FBL: variants seen among roughly 807,000 people sequenced by gnomAD.
FBL encodes fibrillarin rRNA 2'-O-methyltransferase, also known as rRNA 2'-O-methyltransferase fibrillarin.
Under a neutral mutation model 42.2 loss-of-function variants are expected in FBL, and 10 were observed. The observed-to-expected ratio is 0.24, with a 90% CI of 0.15 to 0.40. FBL has a LOEUF of 0.40. Ranked by LOEUF, FBL falls within the 10% of genes least tolerant of loss-of-function variation. The pLI is 1.00. For synonymous variants in FBL, 165 were observed against 165.4 expected (o/e 1.00, Z 0.02); for missense variants, 351 against 439.2 (o/e 0.80, Z 1.79).
chr19:39,836,486 C>CA, intron 7 of FBL, 70 bp downstream of exon 7: 1 of 998,946 alleles, frequency 1.0e-6, no homozygotes, highest in Non-Finnish European at 1.5e-6. Flanking sequence ...GGCTATTTGA[C>CA]AGATACAGAT....
intron 7 of FBL, among the ~76,000 whole-genome samples, chr19:39,835,809 C>G (rs891385608): frequency 5.9e-5 from 9 of 152,202 alleles, no homozygotes; most frequent in Admixed American, 5.2e-4. Flanking sequence ...GCCTGTAGTC[C>G]CAGCTACTTA....
rs373225683 is a variant in FBL at position 39,846,234 on chromosome 19, C to T, written c.10+57G>A. 2.4e-4 allele frequency: 382 copies of T among 1,609,518 alleles called. 1 individual carries two copies. The African/African-American group carries it at 4.6e-3, about 19-fold the overall frequency. ...CCCCACCCCTCCGATTCTGGCCTGG[C>T]ACCCGGATTCCCGCCCGGCCTCCGT... is the stretch of plus-strand genomic sequence containing the variant. On this transcript the variant is annotated intron_variant, in intron 1 of 8. Transcript: ENST00000221801.
Position 39,840,879 on chromosome 19 carries a change from A to C in FBL, c.11-92T>G, listed in dbSNP as rs1319174242. ...CAATACCTCTCAGGTGAGAAACCTG[A>C]AATACATGTGCCCGTGTACAGCAGG... On this transcript the variant is annotated intron_variant, in intron 1 of 8. Transcript: ENST00000221801. This position sits in a 1 kb window ranked among gnomAD's most constrained non-coding sequence, Gnocchi z 4.5. The C allele has an allele frequency of 1.6e-6, 2 of 1,233,026 alleles. No individual in the cohort carries two copies. The highest frequency in any genetic ancestry group is 1.1e-6 in the Non-Finnish European group (1 of 906,652). The allele number at this position is 1,233,026 out of a possible 1,614,324, so 76.4% of individuals were successfully genotyped here. A position where few individuals can be genotyped will look rare whatever the true frequency, so the allele number is the denominator to read the frequency against.
Position 39,837,736 on chromosome 19 carries a change from G to A in FBL, c.657C>T (p.His219=), listed in dbSNP as rs1474735770. 25 of 1,590,296 alleles carry A rather than the reference G, an allele frequency of 1.6e-5. No homozygotes were observed. The highest frequency in any genetic ancestry group is 2.3e-5 in the South Asian group (2 of 86,446). ...NIIPVIEDAR[H]PHKYRMLIAM... is the part of the protein sequence containing the mutation. ...CGATGAGCATGCGGTATTTGTGTGG[G>A]TGTCGAGCATCCTCGATCACAGGAA... Residue 219 remains histidine (H), a synonymous_variant, in exon 6 of 9, where the codon CAC becomes CAT. Coordinates refer to ENST00000221801, the MANE Select transcript of FBL (RefSeq NM_001436.4).
intron 1 of FBL, among the ~76,000 whole-genome samples, chr19:39,841,298 C>T (rs1969160428): frequency 1.3e-5 from 2 of 152,118 alleles, no homozygotes; most frequent in African/African-American, 4.8e-5. Flanking sequence ...TCAAGTGATC[C>T]TCCTGCCTTG....
intron 1 of FBL, among the ~76,000 whole-genome samples, 160 bp downstream of exon 1, chr19:39,846,131 T>C (rs1360135067): frequency 6.6e-6 from 1 of 152,092 alleles, no homozygotes; most frequent in Non-Finnish European, 1.5e-5. Context: ...CACAAACCCC[T>C]AGACCTGCTG....
In FBL at chr19:39,837,844, CTAAAA is replaced by C. The variant is rs1317504328; in HGVS notation, c.550-6_550-2del. 3 of 1,613,248 alleles carry C rather than the reference CTAAAA, an allele frequency of 1.9e-6. No individual in the cohort carries two copies. Among genetic ancestry groups the C allele is most frequent in the African/African-American group, 2.7e-5 (2 of 74,946 alleles). ...ACTCGACTGCATAGACTAGACCATC[CTAAAA>C]TAAATTAAAAATTAATGAACAGTGA... On this transcript the variant is annotated splice_acceptor_variant and splice_polypyrimidine_tract_variant and intron_variant, in intron 5 of 8. Coordinates refer to ENST00000221801, the MANE Select transcript of FBL (RefSeq NM_001436.4). LOFTEE classifies it high-confidence loss of function.
chr19:39,840,099 G>A lies in FBL; in HGVS notation c.378+134C>T. The A allele has an allele frequency of 6.0e-6, 4 of 668,070 alleles. No individual in the cohort carries two copies. Among genetic ancestry groups the A allele is most frequent in the Non-Finnish European group, 1.1e-5 (4 of 374,468 alleles). 41.4% of individuals were successfully genotyped at this position (668,070 alleles called of 1,614,324 possible). ...GGAGTCACAGAAGGCGGATGAGGGAGCAGACAGTGTGGTTTACATATTATG... is the reference window on the plus strand; with the variant it reads ...GGAGTCACAGAAGGCGGATGAGGGAACAGACAGTGTGGTTTACATATTATG... On this transcript the variant is annotated intron_variant, in intron 4 of 8. Transcript: ENST00000221801. This position sits in a 1 kb window ranked among gnomAD's most constrained non-coding sequence, Gnocchi z 4.5.
At position 39,840,777 on chromosome 19, in the gene FBL, G is replaced by T. The variant is rs755835382; in HGVS notation, c.21C>A (p.Pro7=). 1.0e-5 allele frequency: 16 copies of T among 1,556,606 alleles called. No homozygotes were observed. The highest frequency in any genetic ancestry group is 1.7e-6 in the Non-Finnish European group (2 of 1,150,098). ...CTCGGCCGCCAAAGCCACCCCCACG[G>T]GGACTGAATCCTGTGGGGGAAACAA... MKPGFS[P]RGGGFGGRGG... is the part of the protein sequence containing the mutation. Residue 7 remains proline (P), a synonymous_variant, in exon 2 of 9, where the codon CCC becomes CCA. Transcript: ENST00000221801. The surrounding 1 kb of genome is among the most constrained non-coding windows in gnomAD (Gnocchi z 4.5).
Position 39,840,447 on chromosome 19 carries a change from TCCC to T in FBL, c.247_249del (p.Gly83del). 1 of 1,613,986 alleles carries T rather than the reference TCCC, an allele frequency of 6.2e-7. No homozygotes were observed. Among genetic ancestry groups the T allele is most frequent in the Non-Finnish European group, 8.5e-7 (1 of 1,179,990 alleles). ...CGATGCGGCTCCACCATCACATTCT[TCCC>T]CGACTGGTTTCCTCTTTTTCCTCCC... On this transcript the variant is annotated inframe_deletion, in exon 3 of 9. Transcript: ENST00000221801. The surrounding 1 kb of genome is among the most constrained non-coding windows in gnomAD (Gnocchi z 4.5).
In FBL at chr19:39,840,275, G is replaced by A. The variant is rs750801232; in HGVS notation, c.336C>T (p.Val112=). ...KEDALVTKNL[V]PGESVYGEKR... ...TCTCTCCATAAACTGATTCCCCAGG[G>A]ACCAGGTTCTTGGTGACCAGTGCAT... Residue 112 remains valine (V), a synonymous_variant, in exon 4 of 9, where the codon GTC becomes GTT. Transcript: ENST00000221801. This position sits in a 1 kb window ranked among gnomAD's most constrained non-coding sequence, Gnocchi z 4.5. The A allele has an allele frequency of 5.0e-6, 8 of 1,613,922 alleles. No homozygotes were observed. Among genetic ancestry groups the A allele is most frequent in the Admixed American group, 1.7e-5 (1 of 59,994 alleles).
chr19:39,840,488 C>T lies in FBL; in HGVS notation c.209G>A (p.Arg70Gln), dbSNP rs150661315. Residue 70 changes from arginine to glutamine, a missense_variant, in exon 3 of 9, where the codon CGG (arginine) becomes CAG (glutamine). Arg to Gln is a conservative substitution (Grantham distance 43). Coordinates refer to ENST00000221801, the MANE Select transcript of FBL (RefSeq NM_001436.4). This position sits in a 1 kb window ranked among gnomAD's most constrained non-coding sequence, Gnocchi z 4.5. ...GGGGFHSGGNRGRGRGGKRGN... is the reference protein window; with the variant it reads ...GGGGFHSGGNQGRGRGGKRGN... ...TCTTTTTCCTCCCCGACCACGACCCCGGTTGCCACCAGAATGGAAGCCTCC... is the reference window on the plus strand; with the variant it reads ...TCTTTTTCCTCCCCGACCACGACCCTGGTTGCCACCAGAATGGAAGCCTCC... 9.9e-5 allele frequency: 159 copies of T among 1,614,036 alleles called. No homozygotes were observed. The highest frequency in any genetic ancestry group is 1.5e-4 in the Admixed American group (9 of 60,008).
At position 39,834,703 on chromosome 19, in the gene FBL, A is replaced by G. The variant is rs2145050857; in HGVS notation, c.906T>C (p.Tyr302=). The change falls in exon 8 of 9, where the codon TAT becomes TAC. Residue 302 remains tyrosine, a synonymous_variant. Transcript: ENST00000221801. ...KPQEQLTLEP[Y]ERDHAVVVGV... is the part of the protein sequence containing the mutation. Reference sequence around the variant, plus strand: ...CCACGACCACGGCATGGTCTCTTTCATATGGCTCAAGGGTCAACTGCTCCT... The same window carrying G: ...CCACGACCACGGCATGGTCTCTTTCGTATGGCTCAAGGGTCAACTGCTCCT... 6.2e-7 allele frequency: 1 copy of G among 1,614,136 alleles called. No individual in the cohort carries two copies. The highest frequency in any genetic ancestry group is 1.1e-5 in the South Asian group (1 of 91,080).
intron 4 of FBL, among the ~76,000 whole-genome samples, chr19:39,839,772 G>A (rs1274676507): frequency 1.3e-5 from 2 of 152,178 alleles, no homozygotes; most frequent in Non-Finnish European, 2.9e-5. Flanking sequence ...GAGCGATTAG[G>A]AAGGCCCCAA....
At position 39,834,554 on chromosome 19, in the gene FBL, G is replaced by A. The variant is rs770510868; in HGVS notation, c.950C>T (p.Pro317Leu). ...AVVVGVYRPP[P>L]KVKN is the part of the protein sequence containing the mutation. ...CGCTGAACTTCAGTTCTTCACCTTG[G>A]GGGGTGGCCTGTGAGAGGAAGATAG... Residue 317 changes from proline to leucine, a missense_variant, in exon 9 of 9, where the codon CCC (proline) becomes CTC (leucine). Physicochemically the swap from Pro to Leu is moderately conservative, Grantham distance 98. Coordinates refer to ENST00000221801, the MANE Select transcript of FBL (RefSeq NM_001436.4). The A allele has an allele frequency of 3.1e-6, 5 of 1,614,114 alleles. No individual in the cohort carries two copies. Among genetic ancestry groups the A allele is most frequent in the South Asian group, 2.2e-5 (2 of 91,068 alleles).
intron 6 of FBL, among the ~76,000 whole-genome samples, chr19:39,837,200 T>C (rs1434418882): frequency 2.6e-5 from 4 of 152,246 alleles, no homozygotes; most frequent in Non-Finnish European, 1.5e-5. Flanking sequence ...TAATGAAAAC[T>C]GATTATTTAA....
intron 5 of FBL, chr19:39,838,538 G>C (rs117967160): frequency 0.026 from 3,959 of 153,788 alleles, 73 homozygotes; most frequent in Non-Finnish European, 0.038. Context: ...TGAGATTAAA[G>C]GCATGAGCCA....
At chr19:39,844,786 C>T (rs149205554) in intron 1 of FBL, among the ~76,000 whole-genome samples, 336 of 152,248 alleles carry the variant, frequency 2.2e-3, no homozygotes, top group African/African-American at 7.7e-3. Context: ...AAAAAGAATC[C>T]CTTTTAAAAA....
At chr19:39,836,518 C>A in intron 7 of FBL, 38 bp downstream of exon 7, 1 of 1,402,140 alleles carries the variant, frequency 7.1e-7, no homozygotes, top group Non-Finnish European at 1.0e-6. Context: ...CTCCCTAGAA[C>A]ACTGCCACCC....
Sources: allele counts gnomAD v4.1 joint callset (sites outside exome capture counted in the v4.1 genomes callset), GRCh38; gene constraint gnomAD v4.1.1; non-coding constraint Gnocchi (gnomAD v3.1); transcripts MANE v1.5; gene names NCBI Gene and HGNC (gene_info 2026-07-23, HGNC 2026-07-21).